Variants in RALGAPA1 observed in about 807,000 individuals in gnomAD.
RALGAPA1 encodes the protein ral GTPase-activating protein subunit alpha-1.
RALGAPA1 carries 52 observed loss-of-function variants against 269.6 expected under a neutral mutation model. The observed-to-expected ratio is 0.19, with a 90% CI of 0.15 to 0.24. The LOEUF (loss-of-function observed/expected upper bound fraction) is 0.24, where lower values mean the gene tolerates loss of function less well. Among genes scored for constraint, RALGAPA1 ranks in the 10% least tolerant of loss-of-function variants. RALGAPA1 has a pLI of 1.00. For synonymous variants in RALGAPA1, 817 were observed against 1,008.3 expected (o/e 0.81, Z 3.60); for missense variants, 1,917 against 3,013.9 (o/e 0.64, Z 8.52).
chr14:35,592,563 C>A (rs1430558489), intron 37 of RALGAPA1, among the ~76,000 whole-genome samples: 1 of 152,182 alleles, frequency 6.6e-6, no homozygotes, highest in African/African-American at 2.4e-5. Flanking sequence ...AACTACAGGT[C>A]AATTTCTCTG....
chr14:35,799,563 G>GAA (rs71124716), intron 1 of RALGAPA1, among the ~76,000 whole-genome samples: 1 of 108,860 alleles, frequency 9.2e-6, no homozygotes. Context: ...CTCGGTCCCA[G>GAA]AAAAAAAAAA....
At chr14:35,622,661 G>C (rs1012800260) in intron 35 of RALGAPA1, among the ~76,000 whole-genome samples, 3 of 152,226 alleles carry the variant, frequency 2.0e-5, no homozygotes, top group Middle Eastern at 3.4e-3. Flanking sequence ...CAATGGCAAA[G>C]GTATAGTTTA....
chr14:35,659,130 C>A lies in RALGAPA1; in HGVS notation c.5387+8G>T. The A allele has an allele frequency of 1.3e-6, 2 of 1,595,388 alleles. No individual in the cohort carries two copies. Among genetic ancestry groups the A allele is most frequent in the East Asian group, 4.5e-5 (2 of 44,288 alleles). On this transcript the variant is annotated splice_region_variant and intron_variant, in intron 28 of 41. Transcript: ENST00000680220. Reference sequence around the variant, plus strand: ...TAGTTATACTCAGTCTAAGAATATCCGACCTACCGTGCAGGACCAGAGGGC... The same window carrying A: ...TAGTTATACTCAGTCTAAGAATATCAGACCTACCGTGCAGGACCAGAGGGC...
chr14:35,683,422 C>G (rs1441972747), intron 21 of RALGAPA1: 1 of 153,986 alleles, frequency 6.5e-6, no homozygotes, highest in African/African-American at 2.4e-5. Context: ...TCTAGGCTAA[C>G]TCTGAATGAC....
At chr14:35,574,237 T>C (rs2057400533) in intron 37 of RALGAPA1, among the ~76,000 whole-genome samples, 1 of 152,224 alleles carries the variant, frequency 6.6e-6, no homozygotes, top group South Asian at 2.1e-4. Context: ...TCCTTTTATT[T>C]ATCTGCTACA....
chr14:35,732,964 A>C (rs1251036985), intron 12 of RALGAPA1, among the ~76,000 whole-genome samples: 1 of 152,240 alleles, frequency 6.6e-6, no homozygotes. Context: ...TCAACAGTGC[A>C]TGGAACTTTC....
chr14:35,734,425 G>A (rs924568430), intron 12 of RALGAPA1, among the ~76,000 whole-genome samples: 3 of 152,004 alleles, frequency 2.0e-5, no homozygotes, highest in Admixed American at 1.3e-4. Flanking sequence ...ACTGATCTTC[G>A]ACAGAGCAAA....
chr14:35,766,642 A>G, intron 4 of RALGAPA1: 1 of 712,522 alleles, frequency 1.4e-6, no homozygotes, highest in Admixed American at 1.8e-5. Context: ...GAAGGGTTCA[A>G]TGATTTTGTA....
At chr14:35,789,288 C>T (rs896278754) in intron 1 of RALGAPA1, among the ~76,000 whole-genome samples, 2 of 151,676 alleles carry the variant, frequency 1.3e-5, no homozygotes, top group African/African-American at 4.8e-5. Context: ...ATCTAGAATG[C>T]ACCCTCCTTA....
rs2070175498 is a variant in RALGAPA1 at position 35,728,460 on chromosome 14, T to C, written c.1638A>G (p.Glu546=). Residue 546 remains glutamate, a synonymous_variant, in exon 13 of 42, where the codon GAA becomes GAG. Transcript: ENST00000680220. ...SNIFLLEPAN[E]IKNLLDEHTD... is the part of the protein sequence containing the mutation. ...TGTGTTCATCCAGAAGATTTTTTATTTCATTTGCAGGTTCAAGAAGAAATA... is the reference window on the plus strand; with the variant it reads ...TGTGTTCATCCAGAAGATTTTTTATCTCATTTGCAGGTTCAAGAAGAAATA... The C allele has an allele frequency of 6.2e-7, 1 of 1,609,010 alleles. No homozygotes were observed. Among genetic ancestry groups the C allele is most frequent in the Non-Finnish European group, 8.5e-7 (1 of 1,178,240 alleles).
intron 1 of RALGAPA1, among the ~76,000 whole-genome samples, chr14:35,795,048 T>C (rs1302038226): frequency 1.3e-5 from 2 of 152,220 alleles, no homozygotes; most frequent in African/African-American, 2.4e-5. Context: ...CAGCAACTGA[T>C]GTCCAATGTC....
In RALGAPA1 at chr14:35,688,904, G is replaced by C. The variant is rs1358945560; in HGVS notation, c.3507C>G (p.Asn1169Lys). Residue 1169 changes from asparagine to lysine, a missense_variant, in exon 18 of 42, where the codon AAC becomes AAG. Asn to Lys is a moderately conservative substitution (Grantham distance 94, BLOSUM62 0). Around this residue, in one of 11 missense-constraint regions of RALGAPA1, gnomAD observed 615 missense variants for 790.0 expected, o/e 0.78. Transcript: ENST00000680220. ...GTCTCATCTTCCATGGAGCCTCTTTGTTTTCCAGAGGATTATAAAACTGAA... is the reference window on the plus strand; with the variant it reads ...GTCTCATCTTCCATGGAGCCTCTTTCTTTTCCAGAGGATTATAAAACTGAA... ...ESVQFYNPLE[N>K]KEAPWKMRLR... 7.9e-6 allele frequency: 10 copies of C among 1,262,036 alleles called. No individual in the cohort carries two copies. Among genetic ancestry groups the C allele is most frequent in the Admixed American group, 3.8e-5 (1 of 26,332 alleles). 78.2% of individuals were successfully genotyped at this position (1,262,036 alleles called of 1,614,324 possible).
intron 31 of RALGAPA1, among the ~76,000 whole-genome samples, chr14:35,637,529 C>T (rs1015685564): frequency 6.6e-6 from 1 of 150,402 alleles, no homozygotes; most frequent in Non-Finnish European, 1.5e-5. Flanking sequence ...CAGTCAGAGG[C>T]GACAAAAGAA....
chr14:35,778,533 C>T (rs1268482501), intron 1 of RALGAPA1, among the ~76,000 whole-genome samples: 3 of 152,152 alleles, frequency 2.0e-5, no homozygotes, highest in Non-Finnish European at 4.4e-5. Flanking sequence ...AGTCTAGCAT[C>T]TTTAGAATAG....
chr14:35,631,614 G>T (rs951594632), intron 33 of RALGAPA1, among the ~76,000 whole-genome samples: 1 of 152,046 alleles, frequency 6.6e-6, no homozygotes, highest in Non-Finnish European at 1.5e-5. Flanking sequence ...TCTGAAGAAG[G>T]GAAAGAGTAT....
intron 2 of RALGAPA1, 49 bp from the exon 3 acceptor site, chr14:35,775,104 A>G: frequency 9.6e-7 from 1 of 1,038,518 alleles, no homozygotes; most frequent in Non-Finnish European, 1.4e-6. Flanking sequence ...TTTTGTCCTC[A>G]TAATGAACTT....
intron 41 of RALGAPA1, among the ~76,000 whole-genome samples, chr14:35,545,805 C>T (rs2054403235): frequency 6.6e-6 from 1 of 151,844 alleles, no homozygotes; most frequent in South Asian, 2.1e-4. Flanking sequence ...ATTGAAAAGA[C>T]AATATAACAT....
At chr14:35,795,817 A>C (rs1291535164) in intron 1 of RALGAPA1, among the ~76,000 whole-genome samples, 2 of 104,894 alleles carry the variant, frequency 1.9e-5, no homozygotes, top group Non-Finnish European at 3.9e-5. Flanking sequence ...TCTCTACCAA[A>C]AAAAAAAAAA....
At chr14:35,751,828 A>G (rs1595430084) in intron 8 of RALGAPA1, among the ~76,000 whole-genome samples, 196 bp downstream of exon 8, 1 of 150,398 alleles carries the variant, frequency 6.6e-6, no homozygotes, top group African/African-American at 2.5e-5. Context: ...AAAACAAAAA[A>G]AGAAAAACTC....
Sources: allele counts gnomAD v4.1 joint callset (sites outside exome capture counted in the v4.1 genomes callset), GRCh38; gene constraint gnomAD v4.1.1; regional missense constraint gnomAD v4.1.1; transcripts MANE v1.5; gene names NCBI Gene and HGNC (gene_info 2026-07-23, HGNC 2026-07-21).